CUL1: variants seen among roughly 807,000 people sequenced by gnomAD.
The protein encoded by CUL1 is cullin 1.
CUL1 carries 24 observed loss-of-function variants against 118.0 expected under a neutral mutation model. The ratio of observed to expected loss-of-function variants is 0.20; its 90% CI spans 0.15 to 0.29. The LOEUF (loss-of-function observed/expected upper bound fraction) is 0.29, where lower values mean the gene tolerates loss of function less well. Among genes scored for constraint, CUL1 ranks in the 10% least tolerant of loss-of-function variants. The probability of loss-of-function intolerance (pLI) is 1.00; values close to 1 mark genes in which losing one functional copy is unlikely to be tolerated. For missense variants in CUL1, 361 were observed against 933.8 expected (o/e 0.39, Z 7.99); for synonymous variants, 332 against 340.4 (o/e 0.98, Z 0.27).
intron 5 of CUL1, 74 bp downstream of exon 5, chr7:148,759,428 G>A (rs991377977): frequency 3.3e-5 from 50 of 1,525,016 alleles, no homozygotes; most frequent in East Asian, 9.0e-5. Context: ...CTTTTGTCTC[G>A]TCACTCCTTC....
intron 1 of CUL1, among the ~76,000 whole-genome samples, chr7:148,704,052 CAG>C (rs1023665945): frequency 3.3e-5 from 5 of 151,918 alleles, no homozygotes; most frequent in African/African-American, 1.2e-4. Context: ...ATTCCATAAA[CAG>C]AATTAAAAGG....
chr7:148,740,173 C>T (rs935497165), intron 2 of CUL1, among the ~76,000 whole-genome samples: 3 of 152,044 alleles, frequency 2.0e-5, no homozygotes, highest in Admixed American at 1.3e-4. Context: ...CTGCCTCAGC[C>T]TCCTGAGTAG....
intron 1 of CUL1, among the ~76,000 whole-genome samples, chr7:148,701,145 T>C (rs1406639322): frequency 6.6e-6 from 1 of 151,534 alleles, no homozygotes; most frequent in East Asian, 1.9e-4. Context: ...CCTCAGTTGC[T>C]TTTTTTTAAT....
chr7:148,779,028 A>ATATT (rs1304326543), intron 9 of CUL1, among the ~76,000 whole-genome samples: 2 of 152,210 alleles, frequency 1.3e-5, no homozygotes, highest in African/African-American at 4.8e-5. Flanking sequence ...GTGTAAATAT[A>ATATT]TACCAGCTCT....
intron 9 of CUL1, among the ~76,000 whole-genome samples, chr7:148,773,777 A>G (rs1037486412): frequency 6.6e-6 from 1 of 152,128 alleles, no homozygotes; most frequent in African/African-American, 2.4e-5. Context: ...ATACCTATTT[A>G]TCTCTCAAAA....
intron 2 of CUL1, among the ~76,000 whole-genome samples, chr7:148,737,952 T>C (rs934844284): frequency 6.6e-6 from 1 of 152,136 alleles, no homozygotes; most frequent in Non-Finnish European, 1.5e-5. Flanking sequence ...TCCATGTGAT[T>C]TTAATAGAAG....
At chr7:148,797,473 C>G (rs999462785) in intron 17 of CUL1, among the ~76,000 whole-genome samples, 3 of 151,464 alleles carry the variant, frequency 2.0e-5, no homozygotes, top group African/African-American at 7.3e-5. Context: ...TCTGTAAATC[C>G]AGTGCAGTAT....
chr7:148,752,545 ATTTTG>A (rs979672901), intron 2 of CUL1, among the ~76,000 whole-genome samples: 57 of 151,788 alleles, frequency 3.8e-4, no homozygotes, highest in African/African-American at 1.3e-3. Context: ...TCTGTGGTAT[ATTTTG>A]TTCATGTTTC....
At chr7:148,752,615 T>TA (rs1315225936) in intron 2 of CUL1, among the ~76,000 whole-genome samples, 1 of 152,202 alleles carries the variant, frequency 6.6e-6, no homozygotes, top group Non-Finnish European at 1.5e-5. Flanking sequence ...TTAAAGATAG[T>TA]TTAAGGTATT....
chr7:148,717,818 T>C (rs1435407156), intron 1 of CUL1, among the ~76,000 whole-genome samples: 2 of 152,198 alleles, frequency 1.3e-5, no homozygotes, highest in African/African-American at 4.8e-5. Context: ...CTGTAAAGGC[T>C]TCCTGATCTT....
Position 148,722,101 on chromosome 7 carries a change from G to A in CUL1, c.-161-7861G>A, listed in dbSNP as rs547933981. Among the ~76,000 whole-genome samples the A allele has an allele frequency of 8.5e-5, 13 of 152,266 alleles. No homozygotes were observed. The East Asian group carries it at 1.5e-3, about 18-fold the overall frequency. ...GAGTGAGATTAGGAAAATACATAAG[G>A]TGTAATTGGTTAGATAGGTGATGAA... On this transcript the variant is annotated intron_variant, in intron 1 of 21. Coordinates refer to ENST00000325222, the MANE Select transcript of CUL1 (RefSeq NM_003592.3).
intron 2 of CUL1, among the ~76,000 whole-genome samples, chr7:148,744,896 AT>A (rs953168547): frequency 2.0e-5 from 3 of 150,450 alleles, no homozygotes; most frequent in African/African-American, 4.9e-5. Flanking sequence ...TTCTTTCAGC[AT>A]TTTTTTTTCT....
chr7:148,760,352 AGAT>A lies in CUL1; in HGVS notation c.650_652del (p.Asp217del). 1 of 1,602,910 alleles carries A rather than the reference AGAT, an allele frequency of 6.2e-7. No homozygotes were observed. Among genetic ancestry groups the A allele is most frequent in the Non-Finnish European group, 8.5e-7 (1 of 1,176,264 alleles). On this transcript the variant is annotated inframe_deletion, in exon 7 of 22. Coordinates refer to ENST00000325222, the MANE Select transcript of CUL1 (RefSeq NM_003592.3). ...TTCTAGTGGAATTGGGGCTGAATGA[AGAT>A]GATGCATTTGCAAAGGGCCCTACGT...
intron 2 of CUL1, among the ~76,000 whole-genome samples, chr7:148,741,521 C>T (rs1169231612): frequency 1.3e-5 from 2 of 152,238 alleles, no homozygotes; most frequent in Admixed American, 6.5e-5. Context: ...TCACTGCAAC[C>T]TCCTCCTCTT....
chr7:148,717,741 G>A (rs992542436), intron 1 of CUL1, among the ~76,000 whole-genome samples: 4 of 151,962 alleles, frequency 2.6e-5, no homozygotes, highest in Non-Finnish European at 4.4e-5. Flanking sequence ...TTGGACATCA[G>A]CCTCCCTGTA....
chr7:148,793,279 G>A (rs1053287265), intron 17 of CUL1, among the ~76,000 whole-genome samples: 2 of 151,910 alleles, frequency 1.3e-5, no homozygotes, highest in Non-Finnish European at 2.9e-5. Context: ...TATTTTTCCT[G>A]CTAGCCATAT....
chr7:148,704,834 A>G (rs537048750), intron 1 of CUL1, among the ~76,000 whole-genome samples: 3 of 152,010 alleles, frequency 2.0e-5, no homozygotes, highest in South Asian at 4.2e-4. Flanking sequence ...TTTTCCTCCA[A>G]CTTTCTACAG....
At chr7:148,742,510 G>C (rs1563156098) in intron 2 of CUL1, among the ~76,000 whole-genome samples, 2 of 151,922 alleles carry the variant, frequency 1.3e-5, no homozygotes, top group African/African-American at 2.4e-5. Context: ...TACAGTTCAA[G>C]GTGCTATTTG....
chr7:148,777,147 G>A (rs1241419197), intron 9 of CUL1, among the ~76,000 whole-genome samples: 1 of 152,176 alleles, frequency 6.6e-6, no homozygotes, highest in Admixed American at 6.5e-5. Flanking sequence ...AGGACTAGGG[G>A]AACAACCAGG....
Sources: allele counts gnomAD v4.1 joint callset (sites outside exome capture counted in the v4.1 genomes callset), GRCh38; gene constraint gnomAD v4.1.1; transcripts MANE v1.5; gene names NCBI Gene and HGNC (gene_info 2026-07-23, HGNC 2026-07-21).